Variants in MSRA observed in about 807,000 individuals in gnomAD.
MSRA encodes methionine sulfoxide reductase A.
MSRA carries 54 observed loss-of-function variants against 31.3 expected under a neutral mutation model. That is an observed-to-expected ratio of 1.73 (90% CI 1.39 to 2.17). The LOEUF is 2.17. Among genes scored for constraint, MSRA ranks in the 30% most tolerant of loss-of-function variants. The pLI, the probability that MSRA is intolerant of heterozygous loss-of-function variation, is 0.00. For missense variants in MSRA, 507 were observed against 300.9 expected, an observed-to-expected ratio of 1.69 and a Z score of -5.07; for synonymous variants, 169 against 116.5, an observed-to-expected ratio of 1.45 and a Z score of -2.90.
chr8:10,143,836 C>T (rs1421402245), intron 1 of MSRA, among the ~76,000 whole-genome samples: 1 of 152,218 alleles, frequency 6.6e-6, no homozygotes, highest in East Asian at 1.9e-4. Flanking sequence ...ACCTCTAACT[C>T]TTCCTCAAAC....
chr8:10,217,720 G>A (rs1452056540), intron 2 of MSRA, among the ~76,000 whole-genome samples: 4 of 151,898 alleles, frequency 2.6e-5, no homozygotes, highest in Admixed American at 6.6e-5. Flanking sequence ...GAATATTTTG[G>A]TATATATCTC....
intron 3 of MSRA, among the ~76,000 whole-genome samples, chr8:10,250,251 T>C (rs1797846845): frequency 1.3e-5 from 2 of 152,212 alleles, no homozygotes; most frequent in South Asian, 4.1e-4. Context: ...GAATTATTCT[T>C]ACATTTTGTA....
chr8:10,194,232 T>G (rs1408276197), intron 1 of MSRA, among the ~76,000 whole-genome samples: 1 of 152,202 alleles, frequency 6.6e-6, no homozygotes, highest in East Asian at 1.9e-4. Context: ...TCCAAAATTT[T>G]GCATGCTTGA....
At chr8:10,346,365 C>T (rs1317498629) in intron 5 of MSRA, among the ~76,000 whole-genome samples, 3 of 152,218 alleles carry the variant, frequency 2.0e-5, no homozygotes, top group African/African-American at 7.2e-5. Context: ...TCTAACATGG[C>T]TGCTGGTTCC....
intron 5 of MSRA, among the ~76,000 whole-genome samples, chr8:10,393,928 C>T (rs949014287): frequency 1.3e-5 from 2 of 152,172 alleles, no homozygotes; most frequent in Admixed American, 6.5e-5. Flanking sequence ...GGTCTGCAGG[C>T]ACGGGATATT....
At chr8:10,207,936 T>A (rs769795150) in intron 2 of MSRA, 35 bp downstream of exon 2, 5 of 1,573,838 alleles carry the variant, frequency 3.2e-6, no homozygotes, top group Non-Finnish European at 3.5e-6. Flanking sequence ...ACCCAAATTG[T>A]GTGCAAAGAC....
intron 1 of MSRA, among the ~76,000 whole-genome samples, chr8:10,104,204 A>G (rs1280708828): frequency 2.0e-5 from 3 of 152,182 alleles, no homozygotes; most frequent in African/African-American, 7.2e-5. Flanking sequence ...AGGACTTAGA[A>G]ATGGAGCCCA....
At chr8:10,282,211 A>G (rs533060208) in intron 3 of MSRA, among the ~76,000 whole-genome samples, 2 of 152,356 alleles carry the variant, frequency 1.3e-5, no homozygotes, top group South Asian at 4.1e-4. Context: ...ACCAGCCTCT[A>G]CAGTAAGTGC....
intron 1 of MSRA, among the ~76,000 whole-genome samples, chr8:10,119,874 C>G (rs1800979658): frequency 6.6e-6 from 1 of 152,182 alleles, no homozygotes. Flanking sequence ...ACACTATTTA[C>G]AAAGGTGTGG....
In MSRA at chr8:10,085,756, C is replaced by T. The variant is rs540303279; in HGVS notation, c.142+31098C>T. Among the ~76,000 whole-genome samples the T allele has an allele frequency of 2.0e-5, 3 of 152,352 alleles. No homozygotes were observed. The South Asian group carries it at 6.2e-4, about 32-fold the overall frequency. On this transcript the variant is annotated intron_variant, in intron 1 of 5. Transcript: ENST00000317173. ...CCTGCCTCTTTGCAGTCAGTCTGCT[C>T]ACCTGCCTCCAGCTAACAATTGATC...
chr8:10,099,810 C>A (rs1799415916), intron 1 of MSRA, among the ~76,000 whole-genome samples: 1 of 152,116 alleles, frequency 6.6e-6, no homozygotes, highest in Admixed American at 6.5e-5. Context: ...GTGGGGTGGC[C>A]CTGGACACCG....
intron 5 of MSRA, among the ~76,000 whole-genome samples, chr8:10,349,766 C>T (rs563549741): frequency 2.6e-5 from 4 of 152,320 alleles, no homozygotes; most frequent in South Asian, 2.1e-4. Context: ...TCTAAGAAAA[C>T]GGCCATCTCC....
At chr8:10,147,173 G>A (rs1426725761) in intron 1 of MSRA, among the ~76,000 whole-genome samples, 4 of 152,162 alleles carry the variant, frequency 2.6e-5, no homozygotes. Context: ...AGGGTCTGAC[G>A]GGTCCTCAGG....
At chr8:10,360,091 T>A (rs1399750091) in intron 5 of MSRA, among the ~76,000 whole-genome samples, 1 of 152,216 alleles carries the variant, frequency 6.6e-6, no homozygotes, top group Non-Finnish European at 1.5e-5. Context: ...CTCCAGCCTC[T>A]TCACCCAGGC....
intron 5 of MSRA, among the ~76,000 whole-genome samples, chr8:10,343,246 A>G (rs1435852658): frequency 3.3e-5 from 5 of 152,206 alleles, no homozygotes; most frequent in East Asian, 1.9e-4. Context: ...TCCAGAATCC[A>G]TGGTGAGAAC....
intron 1 of MSRA, among the ~76,000 whole-genome samples, chr8:10,200,438 C>T (rs916625590): frequency 1.3e-5 from 2 of 152,326 alleles, no homozygotes; most frequent in South Asian, 2.1e-4. Flanking sequence ...ATCTCACCTT[C>T]TGGGTACCCA....
intron 5 of MSRA, among the ~76,000 whole-genome samples, chr8:10,370,605 C>T (rs894828035): frequency 3.9e-5 from 6 of 152,216 alleles, no homozygotes; most frequent in Admixed American, 2.6e-4. Context: ...TCCTGGTCAC[C>T]GCCTTGAGGA....
intron 5 of MSRA, among the ~76,000 whole-genome samples, chr8:10,351,564 T>C (rs1391037019): frequency 3.3e-5 from 5 of 152,230 alleles, no homozygotes; most frequent in Non-Finnish European, 7.3e-5. Context: ...AAGTGACTTA[T>C]ATTTGCATAG....
At chr8:10,254,382 G>T (rs1798070207) in intron 3 of MSRA, among the ~76,000 whole-genome samples, 1 of 152,096 alleles carries the variant, frequency 6.6e-6, no homozygotes, top group African/African-American at 2.4e-5. Context: ...AGGATAAGTT[G>T]TTTTTTCCAC....
Sources: gnomAD v4.1 joint callset for allele counts (sites outside exome capture counted in the v4.1 genomes callset) on GRCh38, gnomAD v4.1.1 for gene constraint, MANE v1.5 for transcripts, NCBI Gene and HGNC (gene_info 2026-07-23, HGNC 2026-07-21) for gene names.